The following LRRC7 variants were observed in gnomAD, a reference collection of about 807,000 sequenced individuals.
LRRC7 encodes the protein leucine-rich repeat-containing protein 7.
In LRRC7, 23 loss-of-function variants were observed where a neutral mutation model predicts 175.7. That is an observed-to-expected ratio of 0.13 (90% CI 0.09 to 0.19). LRRC7 has a LOEUF of 0.19. Ranked by LOEUF, LRRC7 falls within the 10% of genes least tolerant of loss-of-function variation. The pLI is 1.00. For missense variants in LRRC7, 1,354 were observed against 1,904.7 expected (o/e 0.71, Z 5.38); for synonymous variants, 685 against 680.9 (o/e 1.01, Z -0.09).
chr1:69,910,736 A>G (rs1245964437), intron 7 of LRRC7, among the ~76,000 whole-genome samples: 1 of 152,230 alleles, frequency 6.6e-6, no homozygotes, highest in African/African-American at 2.4e-5. Context: ...GCTGTCAGAC[A>G]GGGACATTTA....
intron 1 of LRRC7, among the ~76,000 whole-genome samples, chr1:69,630,658 T>A (rs1275345140): frequency 6.6e-6 from 1 of 152,114 alleles, no homozygotes; most frequent in African/African-American, 2.4e-5. Context: ...CCTTTCCAAA[T>A]ATTCATTGGC....
chr1:69,863,500 A>G (rs532249875), intron 7 of LRRC7, among the ~76,000 whole-genome samples: 1 of 152,316 alleles, frequency 6.6e-6, no homozygotes, highest in South Asian at 2.1e-4. Context: ...AAATTCATTC[A>G]TTAGAGCATT....
intron 2 of LRRC7, among the ~76,000 whole-genome samples, chr1:69,734,829 G>C (rs1255446558): frequency 6.6e-6 from 1 of 151,758 alleles, no homozygotes; most frequent in African/African-American, 2.4e-5. Flanking sequence ...TCCAATTTTA[G>C]TGGACTATAG....
chr1:70,117,955 C>A (rs1203393262), intron 26 of LRRC7, among the ~76,000 whole-genome samples: 1 of 152,022 alleles, frequency 6.6e-6, no homozygotes, highest in African/African-American at 2.4e-5. Context: ...ATATAATAGA[C>A]ATGCACGTAA....
intron 8 of LRRC7, among the ~76,000 whole-genome samples, chr1:69,975,903 T>C (rs1222905828): frequency 1.3e-5 from 2 of 152,082 alleles, no homozygotes; most frequent in Non-Finnish European, 2.9e-5. Flanking sequence ...AGTTTTTTTT[T>C]TTGTACCATC....
intron 8 of LRRC7, among the ~76,000 whole-genome samples, chr1:69,977,777 T>G (rs960894116): frequency 6.6e-6 from 1 of 152,170 alleles, no homozygotes; most frequent in Admixed American, 6.5e-5. Context: ...TATCACAAGA[T>G]AATGGGGCAG....
intron 2 of LRRC7, among the ~76,000 whole-genome samples, chr1:69,728,570 A>G (rs991200099): frequency 6.6e-6 from 1 of 152,204 alleles, no homozygotes; most frequent in African/African-American, 2.4e-5. Context: ...GAACTAGAAA[A>G]AGAAAAAGGG....
chr1:69,792,380 C>G (rs115456638), intron 4 of LRRC7, among the ~76,000 whole-genome samples: 1,727 of 152,104 alleles, frequency 0.011, 23 homozygotes, highest in African/African-American at 0.036. Flanking sequence ...AGTCTTGTTT[C>G]CCTCTGCATT....
intron 2 of LRRC7, among the ~76,000 whole-genome samples, chr1:69,736,051 A>T (rs1221583244): frequency 1.3e-5 from 2 of 152,186 alleles, no homozygotes; most frequent in East Asian, 3.8e-4. Context: ...GGATACATTT[A>T]GTAACATTAG....
chr1:69,949,475 T>A (rs1261082614), intron 8 of LRRC7, among the ~76,000 whole-genome samples: 2 of 152,098 alleles, frequency 1.3e-5, no homozygotes, highest in Non-Finnish European at 2.9e-5. Flanking sequence ...GAGGATCACT[T>A]GGCCCTGGGA....
chr1:69,811,879 C>T (rs1677923649), intron 4 of LRRC7, among the ~76,000 whole-genome samples: 1 of 130,050 alleles, frequency 7.7e-6, no homozygotes, highest in East Asian at 1.9e-4. Flanking sequence ...TGTAACAAAC[C>T]TGCACATTCT....
intron 1 of LRRC7, among the ~76,000 whole-genome samples, chr1:69,581,326 A>G (rs968288430): frequency 6.6e-6 from 1 of 152,204 alleles, no homozygotes; most frequent in African/African-American, 2.4e-5. Context: ...TGGACAATAA[A>G]TTATCTTGGG....
intron 8 of LRRC7, among the ~76,000 whole-genome samples, chr1:69,942,686 C>A (rs529536406): frequency 6.6e-6 from 1 of 152,102 alleles, no homozygotes; most frequent in African/African-American, 2.4e-5. Context: ...ACCCCCTTGC[C>A]TCTCTCTTAT....
At chr1:69,888,786 T>C (rs1011977456) in intron 7 of LRRC7, among the ~76,000 whole-genome samples, 2 of 151,166 alleles carry the variant, frequency 1.3e-5, no homozygotes, top group African/African-American at 4.9e-5. Flanking sequence ...GTAGGGAAGA[T>C]GGGGAGATGT....
intron 2 of LRRC7, among the ~76,000 whole-genome samples, chr1:69,689,079 G>A (rs1386151998): frequency 6.6e-6 from 1 of 152,052 alleles, no homozygotes; most frequent in Non-Finnish European, 1.5e-5. Context: ...TTTTCTATTT[G>A]AGCCCTGTAG....
At chr1:69,578,700 C>A (rs944175631) in intron 1 of LRRC7, among the ~76,000 whole-genome samples, 2 of 149,312 alleles carry the variant, frequency 1.3e-5, no homozygotes, top group Admixed American at 6.7e-5. Flanking sequence ...GAACAAAAAA[C>A]CAAACACCAC....
intron 22 of LRRC7, among the ~76,000 whole-genome samples, chr1:70,049,506 T>C (rs1660589779): frequency 6.6e-6 from 1 of 152,126 alleles, no homozygotes; most frequent in African/African-American, 2.4e-5. Context: ...GCTGCATTTA[T>C]TATTGGCTAC....
chr1:69,937,676 T>C (rs1244920606), intron 8 of LRRC7, among the ~76,000 whole-genome samples: 1 of 152,072 alleles, frequency 6.6e-6, no homozygotes, highest in Admixed American at 6.6e-5. Context: ...TCTTTAAATG[T>C]TTCCTTTTAC....
At chr1:70,011,506 T>C (rs1233781643) in intron 11 of LRRC7, among the ~76,000 whole-genome samples, 1 of 152,138 alleles carries the variant, frequency 6.6e-6, no homozygotes, top group Non-Finnish European at 1.5e-5. Context: ...ATTCTGAACA[T>C]CTGGCTACAA....
Sources: allele counts gnomAD v4.1 joint callset (sites outside exome capture counted in the v4.1 genomes callset), GRCh38; gene constraint gnomAD v4.1.1; transcripts MANE v1.5; gene names NCBI Gene and HGNC (gene_info 2026-07-23, HGNC 2026-07-21).